Variants in NDUFA12 observed in about 807,000 individuals in gnomAD.
The protein encoded by NDUFA12 is NADH:ubiquinone oxidoreductase subunit A12.
In NDUFA12, 17 loss-of-function variants were observed where a neutral mutation model predicts 20.3. The ratio of observed to expected loss-of-function variants is 0.84; its 90% CI spans 0.57 to 1.26. The LOEUF (loss-of-function observed/expected upper bound fraction) is 1.26. Among genes scored for constraint, NDUFA12 ranks in the 50% most tolerant of loss-of-function variants. NDUFA12 has a pLI of 0.00. For synonymous variants in NDUFA12, 72 were observed against 63.6 expected, an observed-to-expected ratio of 1.13 and a Z score of -0.63; for missense variants, 191 against 183.7, an observed-to-expected ratio of 1.04 and a Z score of -0.23.
intron 3 of NDUFA12, among the ~76,000 whole-genome samples, chr12:94,987,617 A>G (rs1874489170): frequency 6.6e-6 from 1 of 152,042 alleles, no homozygotes; most frequent in African/African-American, 2.4e-5. Flanking sequence ...CCTGGCCAAC[A>G]TGATGAAACC....
intron 2 of NDUFA12, 34 bp from the exon 3 acceptor site, chr12:94,994,291 CT>C (rs751514679): frequency 2.3e-3 from 3,382 of 1,459,808 alleles, no homozygotes; most frequent in Non-Finnish European, 2.6e-3. Flanking sequence ...AAAAGAAAAA[CT>C]TTTTTTTTTA....
At chr12:94,976,479 T>G (rs1368179020) in intron 3 of NDUFA12, among the ~76,000 whole-genome samples, 1 of 152,240 alleles carries the variant, frequency 6.6e-6, no homozygotes, top group Non-Finnish European at 1.5e-5. Context: ...ATATAATTTA[T>G]GCACAACCTC....
intron 3 of NDUFA12, among the ~76,000 whole-genome samples, chr12:94,981,462 T>C (rs1039268307): frequency 1.3e-5 from 2 of 152,102 alleles, no homozygotes; most frequent in Non-Finnish European, 2.9e-5. Context: ...TAAAATAAAA[T>C]GTTATTTGTT....
At position 95,002,787 on chromosome 12, in the gene NDUFA12, C is replaced by A. The variant is rs1439439681; in HGVS notation, c.121G>T (p.Glu41Ter). ...NDAKVGTLVG[E>*]DKYGNKYYED... ...TAGTATTTGTTTCCATATTTGTCTTCCCCCACTAATGTACCAACCTTCGCA... is the reference window on the plus strand; with the variant it reads ...TAGTATTTGTTTCCATATTTGTCTTACCCCACTAATGTACCAACCTTCGCA... The change falls in exon 2 of 4, where the codon GAA becomes TAA. Residue 41 changes from glutamate (E) to a stop codon, truncating the protein, a stop_gained. Coordinates refer to ENST00000327772, the MANE Select transcript of NDUFA12 (RefSeq NM_018838.5). LOFTEE classifies it high-confidence loss of function. The A allele has an allele frequency of 1.2e-6, 2 of 1,613,874 alleles. No individual in the cohort carries two copies. Among genetic ancestry groups the A allele is most frequent in the African/African-American group, 2.7e-5 (2 of 74,902 alleles).
chr12:94,975,296 C>T (rs1874031205), intron 3 of NDUFA12, among the ~76,000 whole-genome samples: 1 of 151,750 alleles, frequency 6.6e-6, no homozygotes, highest in African/African-American at 2.4e-5. Context: ...AGTCAAATAT[C>T]CAATAGAAAA....
chr12:94,982,339 T>C (rs1264524011), intron 3 of NDUFA12, among the ~76,000 whole-genome samples: 1 of 150,400 alleles, frequency 6.6e-6, no homozygotes, highest in African/African-American at 2.5e-5. Context: ...AGTGGTGTGA[T>C]CTCGGCTCAC....
intron 3 of NDUFA12, among the ~76,000 whole-genome samples, chr12:94,991,788 T>C (rs143876554): frequency 6.6e-6 from 1 of 151,322 alleles, no homozygotes; most frequent in Non-Finnish European, 1.5e-5. Context: ...GATGTCCACC[T>C]TTGAAAAATC....
intron 3 of NDUFA12, among the ~76,000 whole-genome samples, chr12:94,974,510 A>G (rs1314258748): frequency 6.6e-6 from 1 of 152,232 alleles, no homozygotes; most frequent in East Asian, 1.9e-4. Context: ...CCTAAATGAA[A>G]GGAAATCAGT....
rs754864900 is a variant in NDUFA12, at chr12:95,002,739, CA to C, written c.168del (p.Phe56LeufsTer13). ...TCATACTAAAAAATACTGCACTCAC[CA>C]AAAAATTGCTTGTTGTCTTCATAGT... ...NKYYEDNKQFFGRHRWVVYTT... is the reference protein window; with the variant it reads ...NKYYEDNKQFXGRHRWVVYTT... On this transcript the variant is annotated frameshift_variant and splice_region_variant, in exon 2 of 4. Transcript: ENST00000327772. LOFTEE classifies it high-confidence loss of function. 6.2e-7 allele frequency: 1 copy of C among 1,612,564 alleles called. No individual in the cohort carries two copies. Among genetic ancestry groups the C allele is most frequent in the Non-Finnish European group, 8.5e-7 (1 of 1,178,698 alleles).
At chr12:94,994,441 C>G in intron 2 of NDUFA12, 184 bp from the exon 3 acceptor site, 1 of 566,004 alleles carries the variant, frequency 1.8e-6, no homozygotes, top group Non-Finnish European at 3.1e-6. Context: ...GTGTGGCAAA[C>G]TTTAAGCAGC....
intron 2 of NDUFA12, among the ~76,000 whole-genome samples, 158 bp downstream of exon 2, chr12:95,002,581 C>A (rs1232393684): frequency 2.7e-5 from 4 of 150,542 alleles, no homozygotes; most frequent in Non-Finnish European, 5.9e-5. Flanking sequence ...TGGCTGTTTA[C>A]TTTTCTTTTT....
chr12:94,992,679 T>C (rs747963359), intron 3 of NDUFA12, among the ~76,000 whole-genome samples: 7 of 152,198 alleles, frequency 4.6e-5, no homozygotes, highest in Non-Finnish European at 8.8e-5. Flanking sequence ...CACTTGCCTG[T>C]GTCAGCCCAG....
Position 95,002,895 on chromosome 12 carries a change from A to T in NDUFA12, c.87-74T>A, listed in dbSNP as rs539687649. The stretch of plus-strand genomic sequence containing the variant: ...AAAACATAAACGGAAATAAAGTGAG[A>T]GTAACAACTTTCAGACACAAGGGCT... On this transcript the variant is annotated intron_variant, in intron 1 of 3. Transcript: ENST00000327772. The T allele has an allele frequency of 2.4e-6, 3 of 1,271,256 alleles. No individual in the cohort carries two copies. The South Asian group carries it at 3.6e-5, about 15-fold the overall frequency. The allele number at this position is 1,271,256 out of a possible 1,614,324, so 78.7% of individuals were successfully genotyped here. A position where few individuals can be genotyped will look rare whatever the true frequency, so the allele number is the denominator to read the frequency against.
chr12:94,989,685 T>C (rs1181465301), intron 3 of NDUFA12, among the ~76,000 whole-genome samples: 1 of 152,274 alleles, frequency 6.6e-6, no homozygotes, highest in Non-Finnish European at 1.5e-5. Flanking sequence ...AGGCACCTGC[T>C]GGAGTGATCT....
intron 2 of NDUFA12, among the ~76,000 whole-genome samples, chr12:94,996,157 G>A (rs576895720): frequency 4.0e-5 from 6 of 150,912 alleles, no homozygotes; most frequent in East Asian, 2.0e-4. Flanking sequence ...GCAGTGAGCC[G>A]AGATCACACC....
chr12:94,978,323 T>C (rs1338035834), intron 3 of NDUFA12, among the ~76,000 whole-genome samples: 1 of 152,150 alleles, frequency 6.6e-6, no homozygotes, highest in Non-Finnish European at 1.5e-5. Context: ...CAAGAGATAA[T>C]TGTGCCTTGG....
chr12:94,997,658 T>C (rs1351170872), intron 2 of NDUFA12, among the ~76,000 whole-genome samples: 2 of 152,192 alleles, frequency 1.3e-5, no homozygotes, highest in Non-Finnish European at 2.9e-5. Context: ...TGTGCTGTTA[T>C]GACACTCAAA....
At chr12:94,996,324 TACACAC>T (rs71075891) in intron 2 of NDUFA12, among the ~76,000 whole-genome samples, 37,932 of 141,046 alleles carry the variant, frequency 0.27, 5,202 homozygotes, top group South Asian at 0.27. Context: ...CATATATAGG[TACACAC>T]ACACACACAC....
intron 3 of NDUFA12, among the ~76,000 whole-genome samples, chr12:94,973,028 G>T (rs1162121020): frequency 6.6e-6 from 1 of 151,920 alleles, no homozygotes; most frequent in Non-Finnish European, 1.5e-5. Context: ...GCCCGGGGGT[G>T]GGGGGAAAAG....
Sources: allele counts gnomAD v4.1 joint callset (sites outside exome capture counted in the v4.1 genomes callset), GRCh38; gene constraint gnomAD v4.1.1; transcripts MANE v1.5; gene names NCBI Gene and HGNC (gene_info 2026-07-23, HGNC 2026-07-21).